The following MAGI1 variants were observed in gnomAD, a reference collection of about 807,000 sequenced individuals.
The protein encoded by MAGI1 is membrane associated guanylate kinase, WW and PDZ domain containing 1.
A neutral mutation model predicts 139.9 loss-of-function variants in MAGI1; 58 were observed. The ratio of observed to expected loss-of-function variants is 0.41; its 90% CI spans 0.34 to 0.52. MAGI1 has a LOEUF of 0.52. Ranked by LOEUF, MAGI1 falls within the 20% of genes least tolerant of loss-of-function variation. The pLI is 0.12. For synonymous variants in MAGI1, 812 were observed against 737.9 expected (o/e 1.10, Z -1.63); for missense variants, 1,874 against 1,901.6 (o/e 0.99, Z 0.27).
intron 1 of MAGI1, among the ~76,000 whole-genome samples, chr3:65,658,984 T>C (rs1203904058): frequency 6.6e-6 from 1 of 152,228 alleles, no homozygotes; most frequent in African/African-American, 2.4e-5. Context: ...TTCCTTTTTA[T>C]GCACTTCTTG....
At chr3:65,569,542 A>G (rs1418728991) in intron 2 of MAGI1, among the ~76,000 whole-genome samples, 1 of 137,882 alleles carries the variant, frequency 7.3e-6, no homozygotes, top group Non-Finnish European at 1.5e-5. Context: ...AGTTTAAAGT[A>G]TATAAATCCT....
At chr3:65,359,459 T>A in intron 22 of MAGI1, 2 of 1,142,814 alleles carry the variant, frequency 1.8e-6, no homozygotes, top group Non-Finnish European at 2.2e-6. Flanking sequence ...ACTGGAACAA[T>A]GACAGGCTGG....
intron 12 of MAGI1, among the ~76,000 whole-genome samples, chr3:65,409,156 G>A (rs1218958610): frequency 6.6e-6 from 1 of 152,232 alleles, no homozygotes; most frequent in East Asian, 1.9e-4. Context: ...TCTGCCATAT[G>A]CCTAGCAAAG....
intron 1 of MAGI1, among the ~76,000 whole-genome samples, chr3:65,669,538 G>A (rs751317261): frequency 3.9e-5 from 6 of 152,224 alleles, no homozygotes; most frequent in Non-Finnish European, 8.8e-5. Flanking sequence ...CTGTTGTCAA[G>A]ACCTTTGCTC....
At chr3:65,497,133 G>A (rs1952514609) in intron 2 of MAGI1, among the ~76,000 whole-genome samples, 1 of 152,150 alleles carries the variant, frequency 6.6e-6, no homozygotes, top group Non-Finnish European at 1.5e-5. Context: ...GGTCAGAGTA[G>A]AGGGTGGAAT....
chr3:65,660,330 T>C (rs924799066), intron 1 of MAGI1, among the ~76,000 whole-genome samples: 32 of 152,244 alleles, frequency 2.1e-4, no homozygotes, highest in African/African-American at 7.2e-4. Flanking sequence ...AAAGGACAGA[T>C]AGACATTAAA....
intron 2 of MAGI1, among the ~76,000 whole-genome samples, chr3:65,505,336 G>A (rs184384853): frequency 2.8e-3 from 423 of 150,588 alleles, no homozygotes; most frequent in Non-Finnish European, 4.2e-3. Context: ...AGGTGACTTT[G>A]CATGGTTAAT....
intron 2 of MAGI1, among the ~76,000 whole-genome samples, chr3:65,569,349 T>C (rs2080830813): frequency 6.6e-6 from 1 of 152,038 alleles, no homozygotes; most frequent in Non-Finnish European, 1.5e-5. Flanking sequence ...AGTTCTTGAG[T>C]TGGATGTTGA....
intron 1 of MAGI1, among the ~76,000 whole-genome samples, chr3:66,016,838 G>A (rs1012790801): frequency 4.6e-5 from 7 of 152,224 alleles, no homozygotes; most frequent in African/African-American, 9.6e-5. Context: ...ATTCTGACAC[G>A]CTGCAGCGTG....
chr3:65,589,459 A>C (rs1307554364), intron 2 of MAGI1, among the ~76,000 whole-genome samples: 1 of 151,998 alleles, frequency 6.6e-6, no homozygotes, highest in African/African-American at 2.4e-5. Context: ...GTATTCACCA[A>C]GTCCTTTCTC....
chr3:65,950,075 A>AAC (rs2063741850), intron 1 of MAGI1, among the ~76,000 whole-genome samples: 1 of 73,354 alleles, frequency 1.4e-5, no homozygotes, highest in Admixed American at 1.6e-4. Flanking sequence ...AACAAAAAAA[A>AAC]AACAAAAAAA....
rs766589717 is a variant in MAGI1 at position 65,493,670 on chromosome 3, C to G, written c.431-39G>C. Reference sequence around the variant, plus strand: ...TACAAAGGCACAACAAACCATCAATCAACTAAAACAGGAAGTTCCACATCC... The same window carrying G: ...TACAAAGGCACAACAAACCATCAATGAACTAAAACAGGAAGTTCCACATCC... On this transcript the variant is annotated intron_variant, in intron 2 of 22. Coordinates refer to ENST00000402939, the MANE Select transcript of MAGI1 (RefSeq NM_001033057.2). The G allele has an allele frequency of 2.5e-6, 4 of 1,611,572 alleles. No homozygotes were observed. In the Admixed American group the frequency reaches 6.7e-5, roughly 27 times the overall value.
In MAGI1 at chr3:65,846,976, C is replaced by CAAAAAAAAAAAAA. The variant is rs58391331; in HGVS notation, c.313+191007_313+191019dup. 8.8e-4 allele frequency among the ~76,000 whole-genome samples: 71 copies of CAAAAAAAAAAAAA among 80,946 alleles called. 6 individuals are homozygous for CAAAAAAAAAAAAA. Among genetic ancestry groups the CAAAAAAAAAAAAA allele is most frequent in the African/African-American group, 2.3e-3 (47 of 20,248 alleles). The allele number at this position is 80,946 out of a possible 152,430, so 53.1% of individuals were successfully genotyped here. A position where few individuals can be genotyped will look rare whatever the true frequency, so the allele number is the denominator to read the frequency against. ...GATTACAAAGAATAGCAATGTCTTA[C>CAAAAAAAAAAAAA]AAAAAAAAAAAAAAAAAAAACCCTA... On this transcript the variant is annotated intron_variant, in intron 1 of 22. Transcript: ENST00000402939.
chr3:65,547,860 C>T (rs1256928254), intron 2 of MAGI1, among the ~76,000 whole-genome samples: 1 of 152,102 alleles, frequency 6.6e-6, no homozygotes, highest in Non-Finnish European at 1.5e-5. Context: ...ATGTTCTATC[C>T]CAGACTCAGG....
chr3:65,395,292 C>T (rs181830513), intron 13 of MAGI1, among the ~76,000 whole-genome samples: 1 of 152,038 alleles, frequency 6.6e-6, no homozygotes, highest in Non-Finnish European at 1.5e-5. Flanking sequence ...GATAGCAACA[C>T]ACTGCAATGT....
At chr3:65,514,181 G>T (rs1030322350) in intron 2 of MAGI1, among the ~76,000 whole-genome samples, 1 of 151,318 alleles carries the variant, frequency 6.6e-6, no homozygotes, top group East Asian at 1.9e-4. Context: ...AGATTTAAAC[G>T]TTAGACTTAA....
chr3:65,927,830 G>A (rs986236713), intron 1 of MAGI1, among the ~76,000 whole-genome samples: 2 of 152,258 alleles, frequency 1.3e-5, no homozygotes, highest in Non-Finnish European at 2.9e-5. Flanking sequence ...ATCAAGGGAA[G>A]GGAGATCCTG....
At chr3:65,644,031 C>G (rs1429864243) in intron 1 of MAGI1, among the ~76,000 whole-genome samples, 1 of 152,138 alleles carries the variant, frequency 6.6e-6, no homozygotes, top group Non-Finnish European at 1.5e-5. Context: ...AGCACTTCTG[C>G]CCCACATAGC....
chr3:65,557,989 T>G (rs1466605691), intron 2 of MAGI1, among the ~76,000 whole-genome samples: 4 of 152,162 alleles, frequency 2.6e-5, no homozygotes, highest in Non-Finnish European at 4.4e-5. Context: ...ATAAACTGCC[T>G]TCTACCCACG....
Sources: allele counts gnomAD v4.1 joint callset (sites outside exome capture counted in the v4.1 genomes callset), GRCh38; gene constraint gnomAD v4.1.1; transcripts MANE v1.5; gene names NCBI Gene and HGNC (gene_info 2026-07-23, HGNC 2026-07-21).